The following KAZN variants were observed in gnomAD, a reference collection of about 807,000 sequenced individuals.
KAZN encodes the protein kazrin, periplakin interacting protein.
Under a neutral mutation model 87.4 loss-of-function variants are expected in KAZN, and 40 were observed. That is an observed-to-expected ratio of 0.46 (90% CI 0.36 to 0.60). The LOEUF is 0.60. Among genes scored for constraint, KAZN ranks in the 20% least tolerant of loss-of-function variants. The pLI is 0.00. For synonymous variants in KAZN, 466 were observed against 458.3 expected, an observed-to-expected ratio of 1.02 and a Z score of -0.22; for missense variants, 898 against 1,073.9, an observed-to-expected ratio of 0.84 and a Z score of 2.29.
At chr1:14,327,716 T>C (rs1234030431) in intron 2 of KAZN, among the ~76,000 whole-genome samples, 1 of 152,226 alleles carries the variant, frequency 6.6e-6, no homozygotes, top group Non-Finnish European at 1.5e-5. Flanking sequence ...GACCCTTTGC[T>C]GAAGCCACTG....
intron 2 of KAZN, among the ~76,000 whole-genome samples, chr1:15,019,779 A>G (rs1670480432): frequency 6.6e-6 from 1 of 152,184 alleles, no homozygotes; most frequent in Non-Finnish European, 1.5e-5. Context: ...CAAGGTGTAG[A>G]ATAATACCCA....
At chr1:15,091,714 A>G (rs1640541679) in intron 8 of KAZN, among the ~76,000 whole-genome samples, 1 of 152,230 alleles carries the variant, frequency 6.6e-6, no homozygotes, top group South Asian at 2.1e-4. Flanking sequence ...TTCATTGCAC[A>G]TATTCCAACA....
chr1:14,888,549 T>G (rs1196169342), intron 1 of KAZN, among the ~76,000 whole-genome samples: 1 of 151,848 alleles, frequency 6.6e-6, no homozygotes. Flanking sequence ...CAAATATAGC[T>G]TTTTGCGTGA....
At chr1:14,004,795 A>G (rs752039959) in intron 1 of KAZN, among the ~76,000 whole-genome samples, 10 of 152,098 alleles carry the variant, frequency 6.6e-5, no homozygotes, top group Non-Finnish European at 1.3e-4. Flanking sequence ...GGCCTTTAGG[A>G]GGTGATTAAA....
At chr1:15,100,253 A>G (rs1267775513) in intron 10 of KAZN, among the ~76,000 whole-genome samples, 1 of 152,174 alleles carries the variant, frequency 6.6e-6, no homozygotes, top group Non-Finnish European at 1.5e-5. Flanking sequence ...GTACCCCAGC[A>G]GGGTGGTCAC....
chr1:14,352,924 T>C (rs1055670946), intron 2 of KAZN, among the ~76,000 whole-genome samples: 1 of 152,230 alleles, frequency 6.6e-6, no homozygotes, highest in Non-Finnish European at 1.5e-5. Flanking sequence ...AAATAGATTA[T>C]GATCATTTTA....
At chr1:14,107,367 G>A (rs1188557463) in intron 1 of KAZN, among the ~76,000 whole-genome samples, 1 of 111,360 alleles carries the variant, frequency 9.0e-6, no homozygotes, top group African/African-American at 2.6e-5. Context: ...ATGGTTTTTT[G>A]TTTGTTTGTT....
At chr1:14,234,094 G>T (rs1648138444) in intron 2 of KAZN, among the ~76,000 whole-genome samples, 1 of 152,158 alleles carries the variant, frequency 6.6e-6, no homozygotes, top group Non-Finnish European at 1.5e-5. Flanking sequence ...AAAGACACAT[G>T]CACACGTATG....
chr1:15,112,872 G>C (rs1215844808), intron 14 of KAZN: 1 of 229,158 alleles, frequency 4.4e-6, no homozygotes, highest in Non-Finnish European at 8.8e-6. Context: ...GAGTTCTCTG[G>C]GGCGAGGGGG....
At chr1:14,766,541 C>T (rs1051477555) in intron 1 of KAZN, among the ~76,000 whole-genome samples, 2 of 150,328 alleles carry the variant, frequency 1.3e-5, no homozygotes, top group African/African-American at 4.9e-5. Context: ...TAATCAAAAC[C>T]TATTGCCTGG....
rs535953061 is a variant in KAZN at position 15,016,375 on chromosome 1, T to G, written c.419-18374T>G. 2.6e-5 allele frequency among the ~76,000 whole-genome samples: 4 copies of G among 152,284 alleles called. No homozygotes were observed. In the South Asian group the frequency reaches 8.3e-4, roughly 32 times the overall value. ...ATCTCAGCCCACTGCAACCTCTGCC[T>G]CCCAGGATCAAATCATTCTCCTGTC... On this transcript the variant is annotated intron_variant, in intron 2 of 14. Transcript: ENST00000376030.
intron 2 of KAZN, among the ~76,000 whole-genome samples, chr1:15,011,509 G>C (rs1669568911): frequency 6.6e-6 from 1 of 152,118 alleles, no homozygotes; most frequent in African/African-American, 2.4e-5. Context: ...GATCCAGCCA[G>C]CTCATGCTCT....
intron 3 of KAZN, among the ~76,000 whole-genome samples, chr1:15,041,657 T>C (rs1341521425): frequency 7.2e-5 from 11 of 152,162 alleles, no homozygotes; most frequent in Admixed American, 7.2e-4. Context: ...CTTATGTCCA[T>C]GTGATCCCCA....
intron 1 of KAZN, chr1:14,929,751 T>A (rs576335730): frequency 1.0e-6 from 1 of 985,184 alleles, no homozygotes; most frequent in Admixed American, 6.1e-5. Context: ...ATGGATTTAC[T>A]CTCCGTGAGT....
At chr1:14,614,512 C>T (rs1005098670) in intron 1 of KAZN, among the ~76,000 whole-genome samples, 13 of 152,230 alleles carry the variant, frequency 8.5e-5, no homozygotes, top group African/African-American at 3.1e-4. Flanking sequence ...AGGACATGGT[C>T]AGTATGAGGC....
At chr1:14,350,890 C>CATT (rs1658495421) in intron 2 of KAZN, 2 of 152,310 alleles carry the variant, frequency 1.3e-5, no homozygotes, top group Admixed American at 1.3e-4. Flanking sequence ...TTAGCGAGTT[C>CATT]TCATGAACAT....
intron 1 of KAZN, among the ~76,000 whole-genome samples, chr1:14,921,546 C>T (rs1658524777): frequency 6.6e-6 from 1 of 152,218 alleles, no homozygotes; most frequent in Non-Finnish European, 1.5e-5. Flanking sequence ...ACTAAGACTA[C>T]ATTCCTGCCT....
chr1:14,703,728 A>G (rs1208109999), intron 1 of KAZN, among the ~76,000 whole-genome samples: 1 of 152,006 alleles, frequency 6.6e-6, no homozygotes, highest in East Asian at 1.9e-4. Context: ...AGCACAATAA[A>G]AATTAGCCAG....
intron 1 of KAZN, among the ~76,000 whole-genome samples, chr1:14,065,012 CA>C (rs1642953840): frequency 6.6e-6 from 1 of 152,166 alleles, no homozygotes; most frequent in Non-Finnish European, 1.5e-5. Flanking sequence ...TTTTGGGGAA[CA>C]GGCTTTGGGG....
Sources: allele counts gnomAD v4.1 joint callset (sites outside exome capture counted in the v4.1 genomes callset), GRCh38; gene constraint gnomAD v4.1.1; transcripts MANE v1.5; gene names NCBI Gene and HGNC (gene_info 2026-07-23, HGNC 2026-07-21).